Variants in SLC13A3 observed in about 807,000 individuals in gnomAD.
SLC13A3 encodes the protein solute carrier family 13 member 3.
Under a neutral mutation model 59.0 loss-of-function variants are expected in SLC13A3, and 40 were observed. The ratio of observed to expected loss-of-function variants is 0.68; its 90% CI spans 0.53 to 0.88. The LOEUF is 0.88. Ranked by LOEUF, SLC13A3 falls within the 40% of genes least tolerant of loss-of-function variation. The probability of loss-of-function intolerance (pLI) is 0.00; values close to 1 mark genes in which losing one functional copy is unlikely to be tolerated. For missense variants in SLC13A3, 699 were observed against 783.2 expected (o/e 0.89, Z 1.28); for synonymous variants, 317 against 330.3 (o/e 0.96, Z 0.44).
At position 46,658,121 on chromosome 20, in the gene SLC13A3, T is replaced by C. The variant is rs186987692; in HGVS notation, c.-31+11922A>G. On this transcript the variant is annotated intron_variant, in intron 1 of 12. Coordinates refer to the SLC13A3 transcript ENST00000290317. Reference sequence around the variant, plus strand: ...GTCTTTGCTCCCCATGTGGCTTCCATTGACACTGCGGGAGGGTGGTGTCCT... The same window carrying C: ...GTCTTTGCTCCCCATGTGGCTTCCACTGACACTGCGGGAGGGTGGTGTCCT... 3.9e-3 allele frequency among the ~76,000 whole-genome samples: 592 copies of C among 152,202 alleles called. 2 individuals are homozygous for C. Among genetic ancestry groups the C allele is most frequent in the African/African-American group, 0.014 (574 of 41,526 alleles).
intron 1 of SLC13A3, among the ~76,000 whole-genome samples, chr20:46,643,988 G>C (rs1018269439): frequency 6.6e-6 from 1 of 151,960 alleles, no homozygotes; most frequent in Non-Finnish European, 1.5e-5. Flanking sequence ...TAGTGAGCCG[G>C]GATCATGCCA....
At chr20:46,636,839 C>T (rs905819267) in intron 1 of SLC13A3, among the ~76,000 whole-genome samples, 2 of 150,488 alleles carry the variant, frequency 1.3e-5, no homozygotes, top group Admixed American at 1.3e-4. Flanking sequence ...CAGACTCTGT[C>T]ACCCAGGCTG....
At chr20:46,581,877 G>C (rs1442189369) in intron 9 of SLC13A3, among the ~76,000 whole-genome samples, 1 of 152,196 alleles carries the variant, frequency 6.6e-6, no homozygotes, top group Non-Finnish European at 1.5e-5. Flanking sequence ...AAGACTGACT[G>C]GAAAAGAAGC....
upstream of SLC13A3, among the ~76,000 whole-genome samples, chr20:46,653,839 T>C (rs189130302): frequency 1.0e-3 from 159 of 152,332 alleles, 1 homozygote; most frequent in African/African-American, 3.6e-3. Context: ...TATCCATTCA[T>C]TTGTTGATAG....
upstream of SLC13A3, among the ~76,000 whole-genome samples, chr20:46,671,741 C>G (rs1460359462): frequency 6.6e-6 from 1 of 152,168 alleles, no homozygotes; most frequent in Non-Finnish European, 1.5e-5. Context: ...GCAAAGCTCA[C>G]CCATTGGAGG....
At chr20:46,626,838 T>C (rs55700352) in intron 1 of SLC13A3, among the ~76,000 whole-genome samples, 41,494 of 151,922 alleles carry the variant, frequency 0.27, 6,353 homozygotes, top group South Asian at 0.42. Flanking sequence ...CCAGGCCTTT[T>C]CCCCCGTCCA....
chr20:46,560,638 GCA>G (rs1407828541), intron 12 of SLC13A3, among the ~76,000 whole-genome samples: 1 of 151,872 alleles, frequency 6.6e-6, no homozygotes, highest in Non-Finnish European at 1.5e-5. Context: ...ACACACGCAT[GCA>G]CACACACACG....
chr20:46,650,957 G>A (rs1050634969), intron 1 of SLC13A3, among the ~76,000 whole-genome samples: 1 of 152,148 alleles, frequency 6.6e-6, no homozygotes, highest in African/African-American at 2.4e-5. Flanking sequence ...GGAGGCTGCG[G>A]AAGGAGGATC....
chr20:46,600,275 G>GGAAAGGAAAGGAAAGGAAAT (rs2062360724), intron 3 of SLC13A3, among the ~76,000 whole-genome samples: 1 of 135,554 alleles, frequency 7.4e-6, no homozygotes, highest in African/African-American at 2.9e-5. Context: ...GGAAAGGAAA[G>GGAAAGGAAAGGAAAGGAAAT]GAAAGGAAAG....
intron 3 of SLC13A3, among the ~76,000 whole-genome samples, chr20:46,610,171 T>C (rs1254147139): frequency 6.6e-6 from 1 of 152,236 alleles, no homozygotes; most frequent in Non-Finnish European, 1.5e-5. Flanking sequence ...ACTTACTTCA[T>C]AGAGCTGTTT....
At chr20:46,625,876 G>T (rs2062663472) in intron 1 of SLC13A3, among the ~76,000 whole-genome samples, 1 of 152,154 alleles carries the variant, frequency 6.6e-6, no homozygotes, top group South Asian at 2.1e-4. Flanking sequence ...TCCATTCTGT[G>T]AATAGATGAG....
At chr20:46,651,186 G>C (rs2062948197) in intron 1 of SLC13A3, 125 bp downstream of exon 1, 1 of 1,346,768 alleles carries the variant, frequency 7.4e-7, no homozygotes, top group Non-Finnish European at 9.5e-7. Context: ...GCAAGGGAGG[G>C]AAGGCGAGGG....
chr20:46,636,518 T>C (rs2062796866), intron 1 of SLC13A3, among the ~76,000 whole-genome samples: 1 of 152,262 alleles, frequency 6.6e-6, no homozygotes, highest in South Asian at 2.1e-4. Context: ...CTGTTGTGCA[T>C]TGGTGGACAA....
intron 1 of SLC13A3, among the ~76,000 whole-genome samples, chr20:46,663,544 A>G (rs1234858804): frequency 1.3e-5 from 2 of 152,216 alleles, no homozygotes; most frequent in Non-Finnish European, 2.9e-5. Context: ...GTCAAATGCA[A>G]GGAATGTTGG....
chr20:46,632,167 C>A (rs536030395), intron 1 of SLC13A3, among the ~76,000 whole-genome samples: 1 of 152,156 alleles, frequency 6.6e-6, no homozygotes, highest in African/African-American at 2.4e-5. Context: ...CTGCTGCCTA[C>A]GAGAGTCCCA....
chr20:46,560,290 C>A, intron 12 of SLC13A3, 92 bp from the exon 13 acceptor site: 1 of 1,223,266 alleles, frequency 8.2e-7, no homozygotes, highest in South Asian at 1.3e-5. Context: ...GTCACTCACC[C>A]AAGATCGCAC....
chr20:46,607,007 C>G (rs1416296954), intron 3 of SLC13A3, among the ~76,000 whole-genome samples: 2 of 152,232 alleles, frequency 1.3e-5, no homozygotes, highest in Admixed American at 6.5e-5. Context: ...ATAGCCCCAC[C>G]CTGCCCTAGG....
chr20:46,654,531 A>AT (rs1019322081), upstream of SLC13A3, among the ~76,000 whole-genome samples: 7 of 151,490 alleles, frequency 4.6e-5, no homozygotes, highest in Admixed American at 1.3e-4. Flanking sequence ...ATCAGGTATA[A>AT]TTTTTTTTTC....
chr20:46,585,873 C>T, intron 8 of SLC13A3: 3 of 1,083,316 alleles, frequency 2.8e-6, no homozygotes, highest in Non-Finnish European at 2.4e-6. Flanking sequence ...ATTTATGTCA[C>T]CCATTTTACC....
Sources: allele counts gnomAD v4.1 joint callset (sites outside exome capture counted in the v4.1 genomes callset), GRCh38; gene constraint gnomAD v4.1.1; transcripts MANE v1.5; gene names NCBI Gene and HGNC (gene_info 2026-07-23, HGNC 2026-07-21).